The following MLPH variants were observed in gnomAD, a reference collection of about 807,000 sequenced individuals.
MLPH encodes the protein melanophilin, also known as exophilin-3.
A neutral mutation model predicts 72.1 loss-of-function variants in MLPH; 51 were observed. The observed-to-expected ratio is 0.71, with a 90% CI of 0.56 to 0.89. The LOEUF (loss-of-function observed/expected upper bound fraction) is 0.89. Among genes scored for constraint, MLPH ranks in the 40% least tolerant of loss-of-function variants. The pLI is 0.00. For synonymous variants in MLPH, 301 were observed against 310.1 expected (o/e 0.97, Z 0.31); for missense variants, 743 against 759.9 (o/e 0.98, Z 0.26).
rs533575936 is a variant in MLPH at position 237,510,765 on chromosome 2, G to A, written c.302G>A (p.Gly101Asp). The A allele has an allele frequency of 3.1e-6, 5 of 1,613,616 alleles. No individual in the cohort carries two copies. Among genetic ancestry groups the A allele is most frequent in the Middle Eastern group, 1.7e-4 (1 of 5,984 alleles). Residue 101 changes from glycine (G) to aspartate (D), a missense_variant, in exon 3 of 16, where the codon GGC (glycine) becomes GAC (aspartate). Transcript: ENST00000264605. This position sits in a 1 kb window ranked among gnomAD's most constrained non-coding sequence, Gnocchi z 4.4. ...GGCCGCGTCCACCCGGAGGAGCAGGGCTGGATCTGTGACCCCTGCCATCTG... is the reference window on the plus strand; with the variant it reads ...GGCCGCGTCCACCCGGAGGAGCAGGACTGGATCTGTGACCCCTGCCATCTG... ...SCGRVHPEEQ[G>D]WICDPCHLAR...
At chr2:237,528,727 A>G (rs1325107983) in intron 8 of MLPH, among the ~76,000 whole-genome samples, 1 of 152,076 alleles carries the variant, frequency 6.6e-6, no homozygotes, top group Non-Finnish European at 1.5e-5. Flanking sequence ...CCCCCCAAAA[A>G]AATCCCATAC....
Position 237,549,256 on chromosome 2 carries a change from C to T in MLPH, c.1653C>T (p.Phe551=). Residue 551 remains phenylalanine (F), a synonymous_variant, in exon 14 of 16, where the codon TTC becomes TTT. Transcript: ENST00000264605. ...MAVPYLLRRK[F]SNSLKSQGKD... is the part of the protein sequence containing the mutation. ...TGCCCTATCTTCTGAGAAGAAAGTT[C>T]AGTAATTCCCTGAAAAGTCAAGGTA... 1 of 1,614,122 alleles carries T rather than the reference C, an allele frequency of 6.2e-7. No homozygotes were observed. Among genetic ancestry groups the T allele is most frequent in the Middle Eastern group, 1.6e-4 (1 of 6,062 alleles).
At chr2:237,525,910 G>C (rs2080295064) in intron 7 of MLPH, 105 bp downstream of exon 7, 1 of 1,116,206 alleles carries the variant, frequency 9.0e-7, no homozygotes, top group Non-Finnish European at 1.3e-6. Context: ...GGGCTGATTT[G>C]AAAGGCCCCT....
intron 2 of MLPH, among the ~76,000 whole-genome samples, chr2:237,508,788 T>C (rs918763116): frequency 1.3e-5 from 2 of 152,194 alleles, no homozygotes; most frequent in African/African-American, 4.8e-5. Context: ...GCATAGCCGG[T>C]GGTGCTCCCA....
intron 6 of MLPH, among the ~76,000 whole-genome samples, chr2:237,521,203 A>G (rs1433986075): frequency 1.3e-5 from 2 of 151,902 alleles, no homozygotes; most frequent in Admixed American, 1.3e-4. Context: ...ATTAGAGCGA[A>G]GAAAACAATA....
chr2:237,552,144 A>T (rs1215458514), intron 14 of MLPH, 193 bp from the exon 15 acceptor site: 1 of 559,978 alleles, frequency 1.8e-6, no homozygotes, highest in Non-Finnish European at 3.2e-6. Context: ...AGGAGAAAGA[A>T]GTTGGCAAAA....
intron 14 of MLPH, among the ~76,000 whole-genome samples, chr2:237,551,248 G>A (rs929958969): frequency 5.3e-5 from 8 of 152,238 alleles, no homozygotes; most frequent in Middle Eastern, 3.2e-3. Context: ...GTCCTGGAGC[G>A]GGGACGGAGG....
At chr2:237,493,358 G>A (rs1388210136) in intron 1 of MLPH, 45 bp from the exon 2 acceptor site, 13 of 1,230,342 alleles carry the variant, frequency 1.1e-5, no homozygotes, top group Admixed American at 1.7e-5. Flanking sequence ...GATTGGTATT[G>A]GTAGGCTTCT....
intron 9 of MLPH, among the ~76,000 whole-genome samples, chr2:237,538,536 G>A (rs1192854524): frequency 3.3e-5 from 5 of 152,306 alleles, no homozygotes; most frequent in South Asian, 4.1e-4. Context: ...CCATGCTGGC[G>A]GCGTCGCTGT....
chr2:237,549,365 T>G, intron 14 of MLPH, 87 bp downstream of exon 14: 1 of 1,228,494 alleles, frequency 8.1e-7, no homozygotes, highest in Non-Finnish European at 1.2e-6. Flanking sequence ...TGTGTGTTTC[T>G]TCATTATCTG....
chr2:237,490,314 C>T (rs2079403976), intron 1 of MLPH, among the ~76,000 whole-genome samples: 1 of 151,360 alleles, frequency 6.6e-6, no homozygotes, highest in Admixed American at 6.6e-5. Flanking sequence ...GAGCGACAGA[C>T]CAGGACCTCA....
At chr2:237,550,189 T>C (rs566421526) in intron 14 of MLPH, among the ~76,000 whole-genome samples, 2 of 152,272 alleles carry the variant, frequency 1.3e-5, no homozygotes, top group East Asian at 1.9e-4. Flanking sequence ...TGTGAAGTCC[T>C]CCAGGGCCAA....
chr2:237,516,874 T>TGGATGGATGGTA (rs1282433523), intron 4 of MLPH, among the ~76,000 whole-genome samples: 5 of 144,898 alleles, frequency 3.5e-5, no homozygotes, highest in East Asian at 4.3e-4. Flanking sequence ...GATGGATGGG[T>TGGATGGATGGTA]GGATGGATGG....
chr2:237,496,152 C>G (rs1175590525), intron 2 of MLPH, among the ~76,000 whole-genome samples: 2 of 152,358 alleles, frequency 1.3e-5, no homozygotes, highest in Middle Eastern at 3.4e-3. Flanking sequence ...TGCCCTGTCT[C>G]CAAGGCAGCC....
chr2:237,553,343 G>A lies in MLPH; in HGVS notation c.1777-223G>A. On this transcript the variant is annotated intron_variant, in intron 15 of 15. Coordinates refer to ENST00000264605, the MANE Select transcript of MLPH (RefSeq NM_024101.7). The stretch of plus-strand genomic sequence containing the variant: ...GAGGTGGGGTTTTCATTTTGATTCA[G>A]TTCTAGGAAGTCAGCACGAATTGGC... The A allele has an allele frequency of 7.8e-6, 5 of 637,750 alleles. No individual in the cohort carries two copies. The South Asian group carries it at 8.7e-5, about 11-fold the overall frequency. 39.5% of individuals were successfully genotyped at this position (637,750 alleles called of 1,614,324 possible).
chr2:237,532,530 G>A (rs967467896), intron 8 of MLPH, among the ~76,000 whole-genome samples: 10 of 152,356 alleles, frequency 6.6e-5, no homozygotes, highest in South Asian at 2.1e-4. Context: ...AGACACTGAC[G>A]GTTTCCCATA....
At chr2:237,516,780 A>AATGGATGGATGG (rs545327814) in intron 4 of MLPH, among the ~76,000 whole-genome samples, 3 of 142,658 alleles carry the variant, frequency 2.1e-5, no homozygotes, top group Admixed American at 7.0e-5. Flanking sequence ...GGGAGAGATG[A>AATGGATGGATGG]ATGGATGGAT....
chr2:237,493,270 GA>G, intron 1 of MLPH, 132 bp from the exon 2 acceptor site: 1 of 673,224 alleles, frequency 1.5e-6, no homozygotes, highest in South Asian at 1.6e-5. Flanking sequence ...ACAAGCATTA[GA>G]AAACCATTTA....
intron 2 of MLPH, among the ~76,000 whole-genome samples, chr2:237,495,558 G>C (rs2079517866): frequency 6.6e-6 from 1 of 152,198 alleles, no homozygotes; most frequent in African/African-American, 2.4e-5. Flanking sequence ...ATGCTGAACA[G>C]GGTCCGCAAC....
Sources: gnomAD v4.1 joint callset for allele counts (sites outside exome capture counted in the v4.1 genomes callset) on GRCh38, gnomAD v4.1.1 for gene constraint, Gnocchi (gnomAD v3.1) non-coding constraint, MANE v1.5 for transcripts, NCBI Gene and HGNC (gene_info 2026-07-23, HGNC 2026-07-21) for gene names.